PDE10A: variants seen among roughly 807,000 people sequenced by gnomAD.
PDE10A encodes the protein cAMP and cAMP-inhibited cGMP 3',5'-cyclic phosphodiesterase 10A.
Under a neutral mutation model 97.7 loss-of-function variants are expected in PDE10A, and 39 were observed. The observed-to-expected ratio is 0.40, with a 90% confidence interval of 0.31 to 0.52. PDE10A has a LOEUF of 0.52. Among genes scored for constraint, PDE10A ranks in the 20% least tolerant of loss-of-function variants. The probability of loss-of-function intolerance (pLI) is 0.56; values close to 1 mark genes in which losing one functional copy is unlikely to be tolerated. For synonymous variants in PDE10A, 371 were observed against 376.8 expected (o/e 0.98, Z 0.18); for missense variants, 731 against 1,047.8 (o/e 0.70, Z 4.17).
intron 3 of PDE10A, among the ~76,000 whole-genome samples, chr6:165,454,129 C>T (rs923438711): frequency 1.3e-5 from 2 of 152,198 alleles, no homozygotes; most frequent in Non-Finnish European, 1.5e-5. Context: ...TTGTCTATTT[C>T]TCCTTTTTGG....
chr6:165,740,234 G>A (rs1022446940), intron 1 of PDE10A, among the ~76,000 whole-genome samples: 4 of 151,482 alleles, frequency 2.6e-5, no homozygotes, highest in Non-Finnish European at 5.9e-5. Context: ...CAGATGAATG[G>A]GTAAAGAAAA....
intron 1 of PDE10A, among the ~76,000 whole-genome samples, chr6:165,636,979 T>C (rs1788908715): frequency 6.6e-6 from 1 of 152,204 alleles, no homozygotes; most frequent in Admixed American, 6.5e-5. Context: ...TGTCAGACTG[T>C]AAATGAAATC....
At chr6:165,390,210 G>A (rs1303532807) in intron 16 of PDE10A, among the ~76,000 whole-genome samples, 1 of 152,240 alleles carries the variant, frequency 6.6e-6, no homozygotes, top group South Asian at 2.1e-4. Flanking sequence ...TGGTGCATTC[G>A]CAGGAAAACC....
rs1316846801 is a variant in PDE10A at position 165,711,382 on chromosome 6, A to G, written c.-614-167814T>C. Among the ~76,000 whole-genome samples, 2 of 152,146 alleles carry G rather than the reference A, an allele frequency of 1.3e-5. No individual in the cohort carries two copies. The highest frequency in any genetic ancestry group is 2.4e-5 in the African/African-American group (1 of 41,438). On this transcript the variant is annotated intron_variant, in intron 1 of 19. Transcript: ENST00000366882. The surrounding 1 kb of genome is among the most constrained non-coding windows in gnomAD (Gnocchi z 4.5). ...TCTGGATGCCGTGCTGCACGTGCAA[A>G]CACAGGTCCTAATGCTTGATTCAGA...
At chr6:165,581,047 A>G (rs2128354957) in intron 1 of PDE10A, among the ~76,000 whole-genome samples, 1 of 152,366 alleles carries the variant, frequency 6.6e-6, no homozygotes, top group South Asian at 2.1e-4. Context: ...GGTGATAAAA[A>G]TAAATATTAA....
chr6:165,824,262 A>G (rs1779661427), intron 1 of PDE10A, among the ~76,000 whole-genome samples: 1 of 152,246 alleles, frequency 6.6e-6, no homozygotes, highest in Non-Finnish European at 1.5e-5. Flanking sequence ...ATAGCCGTTC[A>G]GTTTTCAAAA....
intron 3 of PDE10A, among the ~76,000 whole-genome samples, chr6:165,454,820 T>C (rs1279821611): frequency 6.6e-6 from 1 of 152,216 alleles, no homozygotes; most frequent in East Asian, 1.9e-4. Flanking sequence ...ATATTTTTTT[T>C]CATTTGTCTA....
chr6:165,384,718 C>A (rs1305279329), intron 17 of PDE10A, among the ~76,000 whole-genome samples: 2 of 149,930 alleles, frequency 1.3e-5, no homozygotes, highest in East Asian at 2.0e-4. Context: ...TTGTATTATT[C>A]TCCTTGCTTG....
At chr6:165,393,618 T>C (rs717602) in intron 15 of PDE10A, among the ~76,000 whole-genome samples, 45,488 of 151,936 alleles carry the variant, frequency 0.3, 7,627 homozygotes, top group Middle Eastern at 0.39. Context: ...GAATTCCAAC[T>C]GGTCAAACTC....
At chr6:165,812,610 T>TG (rs1174617507) in intron 1 of PDE10A, among the ~76,000 whole-genome samples, 1 of 152,192 alleles carries the variant, frequency 6.6e-6, no homozygotes, top group South Asian at 2.1e-4. Flanking sequence ...TGGTAAAGCT[T>TG]AAGGTAACAG....
At chr6:165,696,214 C>T (rs1791440427) in intron 1 of PDE10A, among the ~76,000 whole-genome samples, 1 of 152,192 alleles carries the variant, frequency 6.6e-6, no homozygotes, top group South Asian at 2.1e-4. Flanking sequence ...TCCAGAGCTG[C>T]TACAATATAT....
chr6:165,595,197 C>A (rs1786515830), intron 1 of PDE10A, among the ~76,000 whole-genome samples: 2 of 152,180 alleles, frequency 1.3e-5, no homozygotes, highest in African/African-American at 4.8e-5. Context: ...AGCTCACCTG[C>A]CGTAGCCTCA....
At chr6:165,588,157 T>A (rs1228389394) in intron 1 of PDE10A, among the ~76,000 whole-genome samples, 1 of 152,136 alleles carries the variant, frequency 6.6e-6, no homozygotes. Context: ...TCAAACTAAG[T>A]TATTCTTAAA....
intron 18 of PDE10A, among the ~76,000 whole-genome samples, chr6:165,357,603 G>T (rs521211): frequency 0.47 from 71,142 of 151,740 alleles, 17,573 homozygotes; most frequent in African/African-American, 0.64. Context: ...TAGTAAGCTG[G>T]ATTTCTCAAA....
chr6:165,805,744 GT>G (rs1262969315), intron 1 of PDE10A, among the ~76,000 whole-genome samples: 1 of 152,096 alleles, frequency 6.6e-6, no homozygotes, highest in Non-Finnish European at 1.5e-5. Context: ...ACTCTCAGAG[GT>G]AAAAGAACTG....
intron 1 of PDE10A, among the ~76,000 whole-genome samples, chr6:165,767,783 T>C (rs541523794): frequency 1.3e-5 from 2 of 152,382 alleles, no homozygotes; most frequent in African/African-American, 2.4e-5. Context: ...ATCTTCTGGA[T>C]ATAGCTCGTA....
chr6:165,860,424 C>A (rs1562771485), intron 1 of PDE10A, among the ~76,000 whole-genome samples: 1 of 152,170 alleles, frequency 6.6e-6, no homozygotes, highest in African/African-American at 2.4e-5. Context: ...TGCACTCCAG[C>A]CTGGGCAACA....
chr6:165,726,376 G>C (rs548938077), intron 1 of PDE10A, among the ~76,000 whole-genome samples: 30 of 152,302 alleles, frequency 2.0e-4, no homozygotes, highest in African/African-American at 7.0e-4. Flanking sequence ...CTGAGGAAAA[G>C]AATTATCCTC....
At chr6:165,738,282 A>G (rs1285012076) in intron 1 of PDE10A, among the ~76,000 whole-genome samples, 21 of 151,422 alleles carry the variant, frequency 1.4e-4, no homozygotes, top group East Asian at 5.8e-4. Context: ...TTGTTCTTGC[A>G]ATAGTTTACT....
Sources: allele counts gnomAD v4.1 joint callset (sites outside exome capture counted in the v4.1 genomes callset), GRCh38; gene constraint gnomAD v4.1.1; non-coding constraint Gnocchi (gnomAD v3.1); transcripts MANE v1.5; gene names NCBI Gene and HGNC (gene_info 2026-07-23, HGNC 2026-07-21).